The following MCTP1 variants were observed in gnomAD, a reference collection of about 807,000 sequenced individuals.
MCTP1 encodes the protein multiple C2 and transmembrane domain-containing protein 1.
A neutral mutation model predicts 120.6 loss-of-function variants in MCTP1; 69 were observed. The observed-to-expected ratio is 0.57, with a 90% CI of 0.47 to 0.70. The LOEUF (loss-of-function observed/expected upper bound fraction) is 0.70. Ranked by LOEUF, MCTP1 falls within the 30% of genes least tolerant of loss-of-function variation. The pLI is 0.00. For missense variants in MCTP1, 1,203 were observed against 1,248.8 expected, an observed-to-expected ratio of 0.96 and a Z score of 0.55; for synonymous variants, 529 against 493.1, an observed-to-expected ratio of 1.07 and a Z score of -0.96.
chr5:95,271,107 C>G (rs1334911043), intron 1 of MCTP1, among the ~76,000 whole-genome samples: 1 of 152,080 alleles, frequency 6.6e-6, no homozygotes, highest in Non-Finnish European at 1.5e-5. Flanking sequence ...AAACTCACAT[C>G]AGATATATGC....
intron 2 of MCTP1, among the ~76,000 whole-genome samples, chr5:94,971,330 A>T (rs898961117): frequency 5.3e-5 from 8 of 152,108 alleles, no homozygotes; most frequent in South Asian, 4.1e-4. Flanking sequence ...AATTTATTAA[A>T]TTTTTATCCC....
Position 94,874,379 on chromosome 5 carries a change from T to C in MCTP1, c.1934-1138A>G, listed in dbSNP as rs963726591. Among the ~76,000 whole-genome samples, 7 of 152,212 alleles carry C rather than the reference T, an allele frequency of 4.6e-5. No individual in the cohort carries two copies. In the East Asian group the frequency reaches 1.4e-3, roughly 29 times the overall value. ...TAAGCTATGTATTCCCATACAGCAG[T>C]GTATTTACTTTCCATATTGCAATTC... On this transcript the variant is annotated intron_variant, in intron 12 of 22. Coordinates refer to ENST00000515393, the MANE Select transcript of MCTP1 (RefSeq NM_024717.7).
At chr5:94,843,257 G>A (rs39715) in intron 17 of MCTP1, among the ~76,000 whole-genome samples, 23,423 of 151,946 alleles carry the variant, frequency 0.15, 2,554 homozygotes, top group East Asian at 0.59. Flanking sequence ...AGACAGACAC[G>A]TTCACAAAGA....
intron 18 of MCTP1, among the ~76,000 whole-genome samples, chr5:94,786,881 C>G (rs1280233912): frequency 6.6e-6 from 1 of 152,112 alleles, no homozygotes; most frequent in Non-Finnish European, 1.5e-5. Flanking sequence ...CAATCGAGAA[C>G]AAATTTGTCC....
chr5:95,175,554 C>T (rs1330481856), intron 1 of MCTP1, among the ~76,000 whole-genome samples: 5 of 152,180 alleles, frequency 3.3e-5, no homozygotes, highest in South Asian at 4.1e-4. Flanking sequence ...AAATTCTCCT[C>T]CTACCACACA....
chr5:94,932,226 A>AC (rs1814914097), intron 5 of MCTP1, among the ~76,000 whole-genome samples: 1 of 151,192 alleles, frequency 6.6e-6, no homozygotes, highest in African/African-American at 2.4e-5. Flanking sequence ...AAAAAAAAAA[A>AC]AAAAAAAAAA....
At chr5:94,819,186 T>C (rs1785127391) in intron 17 of MCTP1, among the ~76,000 whole-genome samples, 3 of 152,030 alleles carry the variant, frequency 2.0e-5, no homozygotes, top group Non-Finnish European at 4.4e-5. Flanking sequence ...TGTAGTACAA[T>C]GGCACGATCT....
intron 5 of MCTP1, among the ~76,000 whole-genome samples, chr5:94,938,173 A>T (rs1816669326): frequency 6.6e-6 from 1 of 151,998 alleles, no homozygotes; most frequent in Non-Finnish European, 1.5e-5. Context: ...GCAGCCACAG[A>T]GGTATTTTCA....
At chr5:95,184,900 T>C (rs1425143696) in intron 1 of MCTP1, among the ~76,000 whole-genome samples, 1 of 152,056 alleles carries the variant, frequency 6.6e-6, no homozygotes, top group Non-Finnish European at 1.5e-5. Context: ...CCCCTATGAT[T>C]CCATCTCCAA....
chr5:94,844,653 A>G (rs879349869), intron 17 of MCTP1, among the ~76,000 whole-genome samples: 4 of 152,256 alleles, frequency 2.6e-5, no homozygotes, highest in Non-Finnish European at 4.4e-5. Flanking sequence ...GTCAGCCTCA[A>G]CGGAACCCAG....
chr5:95,015,748 T>C lies in MCTP1; in HGVS notation c.838+1619A>G, dbSNP rs116223422. Among the ~76,000 whole-genome samples, 1,078 of 152,234 alleles carry C rather than the reference T, an allele frequency of 7.1e-3. 5 individuals carry two copies. Among genetic ancestry groups the C allele is most frequent in the South Asian group, 0.017 (84 of 4,826 alleles). On this transcript the variant is annotated intron_variant, in intron 2 of 22. Transcript: ENST00000515393. ...TACAGCTCCATAGTATTCCGCCATG[T>C]AGATATGCCATAGTTTATTCAACCA... is the stretch of plus-strand genomic sequence containing the variant.
intron 10 of MCTP1, among the ~76,000 whole-genome samples, chr5:94,896,241 T>A (rs895748788): frequency 5.3e-5 from 8 of 152,296 alleles, no homozygotes; most frequent in African/African-American, 1.7e-4. Flanking sequence ...AAAGGTATTA[T>A]CTTTAGAGAT....
chr5:95,174,454 A>T (rs565850481), intron 1 of MCTP1, among the ~76,000 whole-genome samples: 7 of 152,370 alleles, frequency 4.6e-5, no homozygotes, highest in African/African-American at 9.6e-5. Flanking sequence ...GTTAAAAGTT[A>T]TAAGAACAAG....
intron 1 of MCTP1, among the ~76,000 whole-genome samples, chr5:95,235,604 A>G (rs1484985418): frequency 6.6e-6 from 1 of 152,184 alleles, no homozygotes; most frequent in Non-Finnish European, 1.5e-5. Context: ...ACTTAAAATA[A>G]AAGTTAGAAA....
intron 1 of MCTP1, among the ~76,000 whole-genome samples, chr5:95,224,113 C>G (rs1184174183): frequency 6.6e-6 from 1 of 152,192 alleles, no homozygotes; most frequent in African/African-American, 2.4e-5. Flanking sequence ...CTGGTGGTGT[C>G]AACTGCCATA....
chr5:94,990,179 T>G (rs1051279768), intron 2 of MCTP1, among the ~76,000 whole-genome samples: 1 of 152,174 alleles, frequency 6.6e-6, no homozygotes, highest in African/African-American at 2.4e-5. Context: ...CCCTCCACCA[T>G]GGGCTGTGTT....
chr5:94,756,187 T>C (rs1769817036), intron 19 of MCTP1, among the ~76,000 whole-genome samples: 1 of 152,230 alleles, frequency 6.6e-6, no homozygotes. Context: ...GGAACAATTA[T>C]TAACCCCACT....
chr5:94,800,208 A>C (rs552797691), intron 17 of MCTP1, among the ~76,000 whole-genome samples: 1 of 152,348 alleles, frequency 6.6e-6, no homozygotes, highest in Non-Finnish European at 1.5e-5. Flanking sequence ...ATTATTGTGT[A>C]AATGTTATTA....
At chr5:95,000,382 G>T (rs1017701904) in intron 2 of MCTP1, among the ~76,000 whole-genome samples, 1 of 152,038 alleles carries the variant, frequency 6.6e-6, no homozygotes, top group African/African-American at 2.4e-5. Flanking sequence ...TCTCAGGCAG[G>T]TCCTTCAGGA....
Sources: allele counts gnomAD v4.1 joint callset (sites outside exome capture counted in the v4.1 genomes callset), GRCh38; gene constraint gnomAD v4.1.1; transcripts MANE v1.5; gene names NCBI Gene and HGNC (gene_info 2026-07-23, HGNC 2026-07-21).